Variants in NOL10 observed in about 807,000 individuals in gnomAD.
NOL10 encodes the protein nucleolar protein 10, also known as H_NH0074G24.1.
In NOL10, 58 loss-of-function variants were observed where a neutral mutation model predicts 103.5. That is an observed-to-expected ratio of 0.56 (90% CI 0.45 to 0.70). NOL10 has a LOEUF of 0.70. Ranked by LOEUF, NOL10 falls within the 30% of genes least tolerant of loss-of-function variation. NOL10 has a pLI of 0.00. For missense variants in NOL10, 763 were observed against 807.3 expected (o/e 0.95, Z 0.67); for synonymous variants, 287 against 282.5 (o/e 1.02, Z -0.16).
chr2:10,645,290 A>C (rs1294054984), intron 12 of NOL10, among the ~76,000 whole-genome samples: 1 of 152,214 alleles, frequency 6.6e-6, no homozygotes, highest in Non-Finnish European at 1.5e-5. Flanking sequence ...TTAAAAATCT[A>C]TTTGTAAGAT....
intron 13 of NOL10, among the ~76,000 whole-genome samples, chr2:10,620,570 A>G (rs1182112405): frequency 1.3e-5 from 2 of 152,226 alleles, no homozygotes; most frequent in Non-Finnish European, 2.9e-5. Flanking sequence ...AGAAAGCATG[A>G]TACTGACACA....
intron 17 of NOL10, chr2:10,591,123 T>A (rs1290290970): frequency 6.6e-6 from 1 of 152,234 alleles, no homozygotes; most frequent in African/African-American, 2.4e-5. Flanking sequence ...TAAAAACAGA[T>A]AAACCCTTAC....
At chr2:10,677,961 G>GCA (rs60219622) in intron 3 of NOL10, among the ~76,000 whole-genome samples, 62,200 of 148,908 alleles carry the variant, frequency 0.42, 14,318 homozygotes, top group South Asian at 0.59. Flanking sequence ...AATTTTATGT[G>GCA]CACACACACA....
intron 12 of NOL10, among the ~76,000 whole-genome samples, chr2:10,653,667 G>A (rs1558325496): frequency 6.6e-6 from 1 of 151,990 alleles, no homozygotes; most frequent in Non-Finnish European, 1.5e-5. Flanking sequence ...CCCCAACCGA[G>A]CCCTCTGTGC....
chr2:10,582,160 A>G (rs1282087657), intron 19 of NOL10, among the ~76,000 whole-genome samples: 1 of 152,266 alleles, frequency 6.6e-6, no homozygotes, highest in East Asian at 1.9e-4. Flanking sequence ...GCATTACCTC[A>G]GCTCTTATCC....
At chr2:10,664,999 A>G (rs1001788394) in intron 8 of NOL10, among the ~76,000 whole-genome samples, 2 of 152,250 alleles carry the variant, frequency 1.3e-5, no homozygotes, top group South Asian at 2.1e-4. Context: ...TTGTAATGAT[A>G]AAACAAAAAC....
intron 13 of NOL10, among the ~76,000 whole-genome samples, chr2:10,612,544 C>A (rs1676625924): frequency 1.3e-5 from 2 of 151,944 alleles, no homozygotes; most frequent in African/African-American, 4.8e-5. Context: ...CATCCGTATC[C>A]CAGGCTGGAG....
chr2:10,596,275 G>C (rs530083483), intron 17 of NOL10, among the ~76,000 whole-genome samples: 2 of 146,572 alleles, frequency 1.4e-5, no homozygotes, highest in African/African-American at 2.6e-5. Context: ...GGGGGCGGGC[G>C]CGAGGGAGTT....
At chr2:10,646,469 T>C (rs191699328) in intron 12 of NOL10, among the ~76,000 whole-genome samples, 279 of 152,220 alleles carry the variant, frequency 1.8e-3, no homozygotes, top group Non-Finnish European at 2.9e-3. Flanking sequence ...CACAACCACA[T>C]ACGGCTAATG....
chr2:10,593,537 C>T (rs1675509113), intron 17 of NOL10, among the ~76,000 whole-genome samples: 3 of 152,278 alleles, frequency 2.0e-5, no homozygotes, highest in Non-Finnish European at 4.4e-5. Flanking sequence ...CTTCTAATCT[C>T]TCCTAAAACT....
chr2:10,682,709 C>T (rs1405385187), intron 2 of NOL10, among the ~76,000 whole-genome samples: 3 of 152,044 alleles, frequency 2.0e-5, no homozygotes, highest in Non-Finnish European at 4.4e-5. Flanking sequence ...CCCTAAACCA[C>T]TATTACTACT....
rs201151218 is a variant in NOL10 at position 10,689,896 on chromosome 2, T to G, written c.-35A>C. 1.1e-5 allele frequency: 18 copies of G among 1,580,356 alleles called. No homozygotes were observed. Among genetic ancestry groups the G allele is most frequent in the Non-Finnish European group, 1.5e-5 (18 of 1,161,932 alleles). ...CAACACTGTTCAAGTCCCGGGTCCT[T>G]TCCCACCAGCGTGCTCGAGCACCGT... On this transcript the variant is annotated 5_prime_UTR_variant, in exon 1 of 21. Coordinates refer to ENST00000381685, the MANE Select transcript of NOL10 (RefSeq NM_024894.4).
chr2:10,603,149 G>A lies in NOL10; in HGVS notation c.1162C>T (p.His388Tyr). 6.2e-7 allele frequency: 1 copy of A among 1,610,448 alleles called. No individual in the cohort carries two copies. Residue 388 changes from histidine (H) to tyrosine (Y), a missense_variant, in exon 15 of 21, where the codon CAC (histidine) becomes TAC (tyrosine). By Grantham distance (83) the His-to-Tyr change is moderately conservative. Coordinates refer to ENST00000381685, the MANE Select transcript of NOL10 (RefSeq NM_024894.4). The stretch of plus-strand genomic sequence containing the variant: ...CGGAGGAAAGGAGATCCAATGAGGT[G>A]GGTGAGCCCTGGGAAAGGTCAAACA... Reference protein sequence around the residue: ...KKDLENLGLTHLIGSPFLRAY... With the variant: ...KKDLENLGLTYLIGSPFLRAY...
At chr2:10,618,821 T>C (rs935488434) in intron 13 of NOL10, among the ~76,000 whole-genome samples, 13 of 152,186 alleles carry the variant, frequency 8.5e-5, no homozygotes, top group African/African-American at 3.1e-4. Context: ...GGAAACTACT[T>C]TTTAGCAAAC....
chr2:10,654,340 G>A (rs1156239700), intron 12 of NOL10, 141 bp downstream of exon 12: 2 of 615,356 alleles, frequency 3.3e-6, no homozygotes, highest in African/African-American at 2.0e-5. Flanking sequence ...GAATTGTGCT[G>A]ACAAAGCCAA....
chr2:10,666,119 A>C (rs1214057599), intron 8 of NOL10, among the ~76,000 whole-genome samples: 1 of 152,176 alleles, frequency 6.6e-6, no homozygotes, highest in Non-Finnish European at 1.5e-5. Context: ...GCTCCCACTC[A>C]TAAGTGAGAA....
At chr2:10,654,181 T>C (rs1217322488) in intron 12 of NOL10, among the ~76,000 whole-genome samples, 1 of 152,152 alleles carries the variant, frequency 6.6e-6, no homozygotes, top group African/African-American at 2.4e-5. Context: ...CACACTAAAA[T>C]AGCACTTCAC....
rs770504468 is a variant in NOL10, at chr2:10,644,240, C to T, written c.1026+80G>A. 2.3e-5 allele frequency: 25 copies of T among 1,082,306 alleles called. No homozygotes were observed. In the African/African-American group the frequency reaches 2.3e-4, roughly 10 times the overall value. The allele number at this position is 1,082,306 out of a possible 1,614,324, so 67.0% of individuals were successfully genotyped here. The stretch of plus-strand genomic sequence containing the variant: ...CCCAGCATCGGTGATCGCCAGACTC[C>T]GTCTCAAAAAATTAAATAAATAATA... On this transcript the variant is annotated intron_variant, in intron 13 of 20. Transcript: ENST00000381685.
intron 11 of NOL10, among the ~76,000 whole-genome samples, chr2:10,656,069 G>A (rs1256588712): frequency 8.5e-5 from 13 of 152,200 alleles, no homozygotes; most frequent in African/African-American, 2.9e-4. Context: ...CTATGCAGAA[G>A]TTAAAGGGTC....
Sources: gnomAD v4.1 joint callset for allele counts (sites outside exome capture counted in the v4.1 genomes callset) on GRCh38, gnomAD v4.1.1 for gene constraint, MANE v1.5 for transcripts, NCBI Gene and HGNC (gene_info 2026-07-23, HGNC 2026-07-21) for gene names.